Variants in TENM3 observed in about 807,000 individuals in gnomAD.
TENM3 encodes teneurin transmembrane protein 3, also known as teneurin-3.
In TENM3, 63 loss-of-function variants were observed where a neutral mutation model predicts 255.1. That is an observed-to-expected ratio of 0.25 (90% CI 0.20 to 0.30). The LOEUF (loss-of-function observed/expected upper bound fraction) is 0.30. Among genes scored for constraint, TENM3 ranks in the 10% least tolerant of loss-of-function variants. TENM3 has a pLI of 1.00. For missense variants in TENM3, 2,929 were observed against 3,461.1 expected (o/e 0.85, Z 3.86); for synonymous variants, 1,306 against 1,322.3 (o/e 0.99, Z 0.27).
the TENM3 span, among the ~76,000 whole-genome samples, chr4:181,686,282 G>A: frequency 1.3e-5 from 2 of 152,126 alleles, no homozygotes; most frequent in Non-Finnish European, 1.5e-5. Context: ...CTACACTTTT[G>A]AGATGAACAT....
upstream of TENM3, among the ~76,000 whole-genome samples, chr4:182,243,265 C>T (rs1364717779): frequency 1.3e-5 from 2 of 152,166 alleles, no homozygotes; most frequent in African/African-American, 2.4e-5. Flanking sequence ...CAGGCATGCA[C>T]CACCACGCCC....
the TENM3 span, among the ~76,000 whole-genome samples, chr4:181,468,267 C>T: frequency 2.6e-5 from 4 of 152,100 alleles, no homozygotes; most frequent in Admixed American, 2.6e-4. Flanking sequence ...GAGTGAGGCC[C>T]TCTCTCAAAA....
chr4:182,390,479 G>A (rs143136428), intron 3 of TENM3, among the ~76,000 whole-genome samples: 1 of 152,244 alleles, frequency 6.6e-6, no homozygotes, highest in East Asian at 1.9e-4. Context: ...AGCAGAAAAT[G>A]GTCAGCTTTG....
At chr4:181,642,357 G>C in the TENM3 span, among the ~76,000 whole-genome samples, 1 of 152,106 alleles carries the variant, frequency 6.6e-6, no homozygotes, top group Non-Finnish European at 1.5e-5. Flanking sequence ...GTTCTTTGTA[G>C]ATTCTGGATG....
chr4:181,962,575 G>A, the TENM3 span, among the ~76,000 whole-genome samples: 6 of 152,360 alleles, frequency 3.9e-5, no homozygotes, highest in South Asian at 8.3e-4. Context: ...ACAATATCCA[G>A]CTGTATGGCT....
the TENM3 span, among the ~76,000 whole-genome samples, chr4:181,656,951 C>A: frequency 3.3e-5 from 5 of 152,208 alleles, no homozygotes; most frequent in Admixed American, 3.3e-4. Context: ...TCATCTTGGC[C>A]TCTATTTTCC....
chr4:182,601,082 G>A lies in TENM3; in HGVS notation c.670G>A (p.Ala224Thr), dbSNP rs917596979. The change falls in exon 4 of 28, where the codon GCC becomes ACC. Residue 224 changes from alanine (A) to threonine (T), a missense_variant. This residue lies in a region of TENM3 where 1,608 missense variants were observed against 1,884.4 expected (regional missense o/e 0.85). Transcript: ENST00000511685. ...TCCGGCCCCGCCGGCTGCTTTGCCC[G>A]CCGAGCTGCAAACCACACCCGAGTC... ...QSPAPPAALP[A>T]ELQTTPESVQ... 43 of 1,613,536 alleles carry A rather than the reference G, an allele frequency of 2.7e-5. No individual in the cohort carries two copies. The East Asian group carries it at 3.1e-4, about 12-fold the overall frequency.
the TENM3 span, among the ~76,000 whole-genome samples, chr4:181,812,478 A>T: frequency 6.6e-6 from 1 of 152,206 alleles, no homozygotes; most frequent in Non-Finnish European, 1.5e-5. Context: ...AGAGAGTTCG[A>T]CCCAAAGGGT....
chr4:182,178,082 A>T (rs1478546122), intron 1 of TENM3, among the ~76,000 whole-genome samples: 1 of 151,084 alleles, frequency 6.6e-6, no homozygotes, highest in African/African-American at 2.4e-5. Context: ...CCCCTGCAGG[A>T]TTGGTATTTT....
the TENM3 span, among the ~76,000 whole-genome samples, chr4:181,526,580 C>T: frequency 6.6e-6 from 1 of 152,128 alleles, no homozygotes; most frequent in Non-Finnish European, 1.5e-5. Flanking sequence ...ATAGTAGGTG[C>T]ATGCTCTGGT....
At chr4:182,251,961 T>A (rs1303065452) in intron 1 of TENM3, among the ~76,000 whole-genome samples, 1 of 152,114 alleles carries the variant, frequency 6.6e-6, no homozygotes, top group Non-Finnish European at 1.5e-5. Flanking sequence ...GGTGGGCAGA[T>A]CACCTGAGGT....
At chr4:182,772,767 A>G (rs1022525299) in intron 22 of TENM3, among the ~76,000 whole-genome samples, 1 of 152,172 alleles carries the variant, frequency 6.6e-6, no homozygotes, top group Non-Finnish European at 1.5e-5. Context: ...TGTGTAAAAA[A>G]AAAACAAATA....
At chr4:181,839,313 T>C in the TENM3 span, among the ~76,000 whole-genome samples, 1 of 145,274 alleles carries the variant, frequency 6.9e-6, no homozygotes, top group Non-Finnish European at 1.5e-5. Flanking sequence ...TCTCTGTCTG[T>C]ATGGGTGTCT....
At chr4:181,654,262 G>A in the TENM3 span, among the ~76,000 whole-genome samples, 558 of 149,142 alleles carry the variant, frequency 3.7e-3, 4 homozygotes, top group African/African-American at 0.013. Context: ...GTCCAAACTC[G>A]TGGGCCCCAC....
At chr4:182,449,022 A>G (rs1331397777) in intron 3 of TENM3, 2 of 389,872 alleles carry the variant, frequency 5.1e-6, no homozygotes, top group African/African-American at 2.2e-5. Context: ...CTCCAGACCC[A>G]GGCAACTTGG....
chr4:181,478,317 A>G, the TENM3 span, among the ~76,000 whole-genome samples: 1 of 152,248 alleles, frequency 6.6e-6, no homozygotes, highest in Non-Finnish European at 1.5e-5. Flanking sequence ...TAAAAACCAG[A>G]TTTAAAGACA....
At chr4:182,583,281 A>C (rs890882620) in intron 3 of TENM3, among the ~76,000 whole-genome samples, 3 of 152,112 alleles carry the variant, frequency 2.0e-5, no homozygotes, top group African/African-American at 7.2e-5. Flanking sequence ...ATGCAAACTG[A>C]TAAAGCATGA....
chr4:182,302,800 C>A (rs1195939659), intron 1 of TENM3, among the ~76,000 whole-genome samples: 1 of 152,154 alleles, frequency 6.6e-6, no homozygotes, highest in Non-Finnish European at 1.5e-5. Flanking sequence ...TTTCTCATTT[C>A]CATGTGAGAA....
chr4:181,725,678 G>T, the TENM3 span, among the ~76,000 whole-genome samples: 1 of 151,796 alleles, frequency 6.6e-6, no homozygotes, highest in South Asian at 2.1e-4. Context: ...TCCTGACCTC[G>T]TAATCCACCC....
Sources: gnomAD v4.1 joint callset for allele counts (sites outside exome capture counted in the v4.1 genomes callset) on GRCh38, gnomAD v4.1.1 for gene constraint, gnomAD v4.1.1 regional missense constraint, MANE v1.5 for transcripts, NCBI Gene and HGNC (gene_info 2026-07-23, HGNC 2026-07-21) for gene names.